Variants in MAF observed in about 807,000 individuals in gnomAD.
The protein encoded by MAF is transcription factor Maf.
MAF carries 10 observed loss-of-function variants against 22.0 expected under a neutral mutation model. That is an observed-to-expected ratio of 0.45 (90% CI 0.28 to 0.77). MAF has a LOEUF of 0.77. Among genes scored for constraint, MAF ranks in the 30% least tolerant of loss-of-function variants. MAF has a pLI of 0.12. For missense variants in MAF, 544 were observed against 548.4 expected (o/e 0.99, Z 0.08); for synonymous variants, 337 against 255.8 (o/e 1.32, Z -3.03).
At chr16:79,266,809 A>T in the MAF span, among the ~76,000 whole-genome samples, 51 of 152,310 alleles carry the variant, frequency 3.3e-4, no homozygotes, top group Admixed American at 2.8e-3. Flanking sequence ...ACCGAACATG[A>T]TCCTGCTGCC....
chr16:79,408,087 A>AAAAAC, the MAF span, among the ~76,000 whole-genome samples: 1 of 149,132 alleles, frequency 6.7e-6, no homozygotes, highest in East Asian at 2.0e-4. Flanking sequence ...TCAAAAAAAA[A>AAAAAC]AAAAAAAAAA....
chr16:79,528,077 G>T, the MAF span, among the ~76,000 whole-genome samples: 1 of 152,186 alleles, frequency 6.6e-6, no homozygotes, highest in Non-Finnish European at 1.5e-5. Flanking sequence ...GGGAGGTGGA[G>T]GTTGCAGTGA....
the MAF span, among the ~76,000 whole-genome samples, chr16:79,466,169 T>C: frequency 2.0e-5 from 3 of 152,168 alleles, no homozygotes; most frequent in African/African-American, 2.4e-5. Context: ...AACACAGGGT[T>C]ACTTTCCCTG....
At chr16:79,415,179 G>A in the MAF span, among the ~76,000 whole-genome samples, 2 of 152,092 alleles carry the variant, frequency 1.3e-5, no homozygotes, top group Non-Finnish European at 2.9e-5. Flanking sequence ...GAGCTACACG[G>A]GCAGGACTCT....
rs1028954179 is a variant in MAF, at chr16:79,595,178, G to A, written c.1119-625C>T. The A allele has an allele frequency of 2.9e-6, 3 of 1,039,706 alleles. No individual in the cohort carries two copies. In the African/African-American group the frequency reaches 5.1e-5, roughly 18 times the overall value. 64.4% of individuals were successfully genotyped at this position (1,039,706 alleles called of 1,614,324 possible). A position where few individuals can be genotyped will look rare whatever the true frequency, so the allele number is the denominator to read the frequency against. ...TGAAGTCAAGAACACTTGACTTCAA[G>A]CTCATGAGGGGAGGTTTACTATTAA... On this transcript the variant is annotated intron_variant, in intron 1 of 1. Transcript: ENST00000326043.
the MAF span, among the ~76,000 whole-genome samples, chr16:79,534,964 A>C: frequency 1.3e-5 from 2 of 152,336 alleles, no homozygotes; most frequent in East Asian, 3.9e-4. Flanking sequence ...AACAACAAAA[A>C]TATCCCCTCC....
chr16:79,503,166 G>A, the MAF span, among the ~76,000 whole-genome samples: 5,858 of 152,108 alleles, frequency 0.039, 364 homozygotes, highest in African/African-American at 0.13. Context: ...TTTGAATGAA[G>A]AATGCCCAAG....
chr16:79,381,508 G>C, the MAF span, among the ~76,000 whole-genome samples: 1 of 152,166 alleles, frequency 6.6e-6, no homozygotes, highest in Non-Finnish European at 1.5e-5. Context: ...AGAGCGCTGT[G>C]GTTCTCTTTG....
At chr16:79,348,035 G>A in the MAF span, among the ~76,000 whole-genome samples, 428 of 151,776 alleles carry the variant, frequency 2.8e-3, 7 homozygotes, top group African/African-American at 9.9e-3. Flanking sequence ...TGCATAGTTC[G>A]ATCCTCTTTC....
the MAF span, among the ~76,000 whole-genome samples, chr16:79,219,714 C>A: frequency 6.6e-6 from 1 of 152,090 alleles, no homozygotes. Context: ...TGTCTCTGAC[C>A]CCGTTCCCTA....
chr16:79,413,292 G>C, the MAF span, among the ~76,000 whole-genome samples: 1 of 122,420 alleles, frequency 8.2e-6, no homozygotes, highest in Non-Finnish European at 1.6e-5. Context: ...ACCCAGGCTG[G>C]AGTACAGTGG....
At chr16:79,539,329 C>A in the MAF span, among the ~76,000 whole-genome samples, 1 of 152,110 alleles carries the variant, frequency 6.6e-6, no homozygotes, top group Admixed American at 6.5e-5. Context: ...ATGGTAAAAC[C>A]CTGTATCTGC....
chr16:79,297,774 C>A, the MAF span, among the ~76,000 whole-genome samples: 2 of 152,174 alleles, frequency 1.3e-5, no homozygotes, highest in Non-Finnish European at 2.9e-5. Flanking sequence ...GTGCCATTGG[C>A]TTCTCTATGC....
At chr16:79,445,265 G>C in the MAF span, among the ~76,000 whole-genome samples, 1 of 151,718 alleles carries the variant, frequency 6.6e-6, no homozygotes, top group Non-Finnish European at 1.5e-5. Flanking sequence ...GGATGGTCTG[G>C]ATCTCCTGAC....
the MAF span, among the ~76,000 whole-genome samples, chr16:79,520,234 T>A: frequency 6.6e-6 from 1 of 152,142 alleles, no homozygotes; most frequent in Non-Finnish European, 1.5e-5. Flanking sequence ...ATAATTCAGA[T>A]CAACTGGCAC....
the MAF span, among the ~76,000 whole-genome samples, chr16:79,420,211 T>G: frequency 6.6e-6 from 1 of 152,178 alleles, no homozygotes; most frequent in African/African-American, 2.4e-5. Context: ...ATCCCTCAGA[T>G]GTGCTGTTTA....
chr16:79,445,444 G>A, the MAF span, among the ~76,000 whole-genome samples: 4 of 152,292 alleles, frequency 2.6e-5, no homozygotes, highest in Non-Finnish European at 4.4e-5. Flanking sequence ...CAAATGAGGA[G>A]ACCAAGTCTT....
the MAF span, among the ~76,000 whole-genome samples, chr16:79,420,692 TCCGCGGTGAA>T: frequency 9.9e-5 from 15 of 152,214 alleles, no homozygotes; most frequent in African/African-American, 3.6e-4. Flanking sequence ...GTTTCAGTCA[TCCGCGGTGAA>T]CCGCGGCCCA....
the MAF span, among the ~76,000 whole-genome samples, chr16:79,473,749 C>T: frequency 2.2e-4 from 33 of 152,216 alleles, no homozygotes; most frequent in African/African-American, 6.7e-4. Flanking sequence ...TTAACCGTAT[C>T]GCAAGCTCTG....
Sources: gnomAD v4.1 joint callset for allele counts (sites outside exome capture counted in the v4.1 genomes callset) on GRCh38, gnomAD v4.1.1 for gene constraint, MANE v1.5 for transcripts, NCBI Gene and HGNC (gene_info 2026-07-23, HGNC 2026-07-21) for gene names.